Variants in LILRB2 observed in about 807,000 individuals in gnomAD.
LILRB2 encodes leukocyte immunoglobulin like receptor B2.
A neutral mutation model predicts 72.7 loss-of-function variants in LILRB2; 47 were observed. The ratio of observed to expected loss-of-function variants is 0.65; its 90% CI spans 0.51 to 0.82. The LOEUF (loss-of-function observed/expected upper bound fraction) is 0.82, where lower values mean the gene tolerates loss of function less well. Ranked by LOEUF, LILRB2 falls within the 40% of genes least tolerant of loss-of-function variation. The probability of loss-of-function intolerance (pLI) is 0.00; values close to 1 mark genes in which losing one functional copy is unlikely to be tolerated. For missense variants in LILRB2, 767 were observed against 764.8 expected, an observed-to-expected ratio of 1.00 and a Z score of -0.03; for synonymous variants, 279 against 313.7, an observed-to-expected ratio of 0.89 and a Z score of 1.17.
At chr19:54,276,347 CA>C in intron 11 of LILRB2, 33 bp downstream of exon 11, 1 of 1,612,522 alleles carries the variant, frequency 6.2e-7, no homozygotes, top group South Asian at 1.1e-5. Context: ...GGGCCACGAG[CA>C]GGTGGGAGTC....
rs768865193 is a variant in LILRB2 at position 54,276,831 on chromosome 19, G to A, written c.1456C>T (p.Arg486Cys). The A allele has an allele frequency of 4.3e-6, 7 of 1,613,904 alleles. No homozygotes were observed. Among genetic ancestry groups the A allele is most frequent in the Middle Eastern group, 1.7e-4 (1 of 6,056 alleles). ...CTCGATGTCCAGTGTTTGCCCTGAC[G>A]TCGATGTCGGAGGATGAGGAAGAGG... The part of the protein sequence containing the change: ...LLLFLILRHR[R>C]QGKHWTSTQR... The change falls in exon 10 of 14, where the codon CGT becomes TGT. Residue 486 changes from arginine to cysteine, a missense_variant. Physicochemically the swap from Arg to Cys is radical, Grantham distance 180. Around this residue, in one of 3 missense-constraint regions of LILRB2, gnomAD observed 162 missense variants for 176.7 expected, o/e 0.92. Transcript: ENST00000314446.
At position 54,277,897 on chromosome 19, in the gene LILRB2, G is replaced by C. The variant is rs1343612524; in HGVS notation, c.1301C>G (p.Ser434Cys). 3 of 1,547,966 alleles carry C rather than the reference G, an allele frequency of 1.9e-6. No homozygotes were observed. Among genetic ancestry groups the C allele is most frequent in the South Asian group, 1.2e-5 (1 of 83,770 alleles). ...GSSPPPTGPI[S>C]TPGPEDQPLT... ...AGGCCTCAGGGACTCACCAGGTGTGGAGATGGGACCGGTGGGTGGGGGGCT... is the reference window on the plus strand; with the variant it reads ...AGGCCTCAGGGACTCACCAGGTGTGCAGATGGGACCGGTGGGTGGGGGGCT... The change falls in exon 8 of 14, where the codon TCC becomes TGC. Residue 434 changes from serine to cysteine, a missense_variant. Coordinates refer to ENST00000314446, the MANE Select transcript of LILRB2 (RefSeq NM_001080978.4).
rs1311203079 is a variant in LILRB2 at position 54,274,660 on chromosome 19, G to T, written c.*23C>A. 2 of 1,614,032 alleles carry T rather than the reference G, an allele frequency of 1.2e-6. No individual in the cohort carries two copies. Among genetic ancestry groups the T allele is most frequent in the Non-Finnish European group, 8.5e-7 (1 of 1,179,986 alleles). On this transcript the variant is annotated 3_prime_UTR_variant, in exon 14 of 14. Coordinates refer to ENST00000314446, the MANE Select transcript of LILRB2 (RefSeq NM_001080978.4). ...AGTCCTGAGTCTCCTTCTACTGAGTGTGGAGTCTGCGTACCCTCCGGGCTA... is the reference window on the plus strand; with the variant it reads ...AGTCCTGAGTCTCCTTCTACTGAGTTTGGAGTCTGCGTACCCTCCGGGCTA...
In LILRB2 at chr19:54,280,490, G is replaced by C; in HGVS notation, c.7C>G (p.Pro3Ala). ...AGACAGATCAGGACTGTGACGATGG[G>C]GGTCATGGCGTCTCCTCCCACTGCC... is the stretch of plus-strand genomic sequence containing the variant. MTPIVTVLICLGL... is the reference protein window; with the variant it reads MTAIVTVLICLGL... Residue 3 changes from proline to alanine, a missense_variant, in exon 2 of 14, where the codon CCC becomes GCC. By Grantham distance (27) the Pro-to-Ala change is conservative (BLOSUM62 -1). Around this residue, in one of 3 missense-constraint regions of LILRB2, gnomAD observed 599 missense variants for 568.2 expected, o/e 1.05. Coordinates refer to ENST00000314446, the MANE Select transcript of LILRB2 (RefSeq NM_001080978.4). 1 of 1,613,796 alleles carries C rather than the reference G, an allele frequency of 6.2e-7. No individual in the cohort carries two copies. Among genetic ancestry groups the C allele is most frequent in the Non-Finnish European group, 8.5e-7 (1 of 1,179,926 alleles).
chr19:54,276,922 TC>T lies in LILRB2; in HGVS notation c.1364del (p.Gly455GlufsTer7). On this transcript the variant is annotated frameshift_variant, in exon 10 of 14. Transcript: ENST00000314446. LOFTEE classifies it high-confidence loss of function. Reference sequence around the variant, plus strand: ...TGCCGATCACAACCCCCAGGTGCCTTCCCAGACCTTGAGCACGATGATGTCA... The same window carrying T: ...TGCCGATCACAACCCCCAGGTGCCTTCCAGACCTTGAGCACGATGATGTCA... ...PTGSDPQSGL[G>X]RHLGVVIGIL... is the part of the protein sequence containing the mutation. The T allele has an allele frequency of 6.2e-7, 1 of 1,613,200 alleles. No homozygotes were observed. Among genetic ancestry groups the T allele is most frequent in the Non-Finnish European group, 8.5e-7 (1 of 1,179,740 alleles).
At position 54,278,469 on chromosome 19, in the gene LILRB2, T is replaced by C; in HGVS notation, c.1049A>G (p.Gln350Arg). The C allele has an allele frequency of 1.3e-6, 2 of 1,540,616 alleles. No individual in the cohort carries two copies. The highest frequency in any genetic ancestry group is 1.1e-5 in the South Asian group (1 of 89,142). The change falls in exon 7 of 14, where the codon CAG becomes CGG. Residue 350 changes from glutamine to arginine, a missense_variant. Physicochemically the swap from Gln to Arg is conservative, Grantham distance 43 (BLOSUM62 1). This residue lies in a region of LILRB2 where 599 missense variants were observed against 568.2 expected (regional missense o/e 1.05). Transcript: ENST00000314446. Reference protein sequence around the residue: ...NVTLLCQSWRQFHTFLLTKAG... With the variant: ...NVTLLCQSWRRFHTFLLTKAG... Reference sequence around the variant, plus strand: ...CTTGGTCAGAAGGAAAGTGTGGAACTGCCGCCATGACTGACACAGCAGGGT... The same window carrying C: ...CTTGGTCAGAAGGAAAGTGTGGAACCGCCGCCATGACTGACACAGCAGGGT...
At chr19:54,275,117 G>A in intron 13 of LILRB2, 2 of 1,563,602 alleles carry the variant, frequency 1.3e-6, no homozygotes, top group South Asian at 2.3e-5. Context: ...TGACCTCCTG[G>A]AGTCAATTTT....
Position 54,280,057 on chromosome 19 carries a change from G to T in LILRB2, c.89C>A (p.Thr30Asn). 6.2e-7 allele frequency: 1 copy of T among 1,614,042 alleles called. No homozygotes were observed. Among genetic ancestry groups the T allele is most frequent in the Non-Finnish European group, 8.5e-7 (1 of 1,179,938 alleles). Reference protein sequence around the residue: ...RVQTGTIPKPTLWAEPDSVIT... With the variant: ...RVQTGTIPKPNLWAEPDSVIT... ...CACAGAGTCTGGCTCAGCCCACAGG[G>T]TGGGCTTGGGGATGGTCCCTGGAAG... The change falls in exon 4 of 14, where the codon ACC becomes AAC. Residue 30 changes from threonine (T) to asparagine (N), a missense_variant. By Grantham distance (65) the Thr-to-Asn change is moderately conservative. Around this residue, in one of 3 missense-constraint regions of LILRB2, gnomAD observed 599 missense variants for 568.2 expected, o/e 1.05. Coordinates refer to ENST00000314446, the MANE Select transcript of LILRB2 (RefSeq NM_001080978.4).
At chr19:54,276,049 G>T in intron 12 of LILRB2, 46 bp from the exon 13 acceptor site, 1 of 1,606,962 alleles carries the variant, frequency 6.2e-7, no homozygotes, top group Non-Finnish European at 8.5e-7. Flanking sequence ...AGGTTCCCTG[G>T]GACCTCTGAG....
chr19:54,275,801 A>C (rs981829230), intron 13 of LILRB2, 150 bp downstream of exon 13: 81 of 1,035,934 alleles, frequency 7.8e-5, no homozygotes, highest in Non-Finnish European at 1.7e-5. Context: ...GGAGAGAGTG[A>C]GGTCACAGCA....
chr19:54,275,666 G>T (rs1270773690), intron 13 of LILRB2: 91 of 580,390 alleles, frequency 1.6e-4, no homozygotes, highest in South Asian at 1.4e-3. Flanking sequence ...CCAGGGGACC[G>T]GGGTGGTTCA....
Position 54,279,654 on chromosome 19 carries a change from G to C in LILRB2, c.356-7C>G. The C allele has an allele frequency of 6.2e-7, 1 of 1,603,822 alleles. No homozygotes were observed. The highest frequency in any genetic ancestry group is 8.5e-7 in the Non-Finnish European group (1 of 1,172,178). On this transcript the variant is annotated splice_region_variant and splice_polypyrimidine_tract_variant and intron_variant, in intron 4 of 13. Coordinates refer to ENST00000314446, the MANE Select transcript of LILRB2 (RefSeq NM_001080978.4). ...GTGGGTTTTGGGTAGGCTCCTAGGA[G>C]AGAAGGAGGCATCGTGTTAAATGGG...
chr19:54,276,500 C>A (rs745879943), intron 10 of LILRB2, 44 bp from the exon 11 acceptor site: 2 of 1,343,604 alleles, frequency 1.5e-6, no homozygotes, highest in Non-Finnish European at 2.0e-6. Context: ...AACATTGGAG[C>A]CCCCTGCCCT....
Position 54,279,854 on chromosome 19 carries a change from A to C in LILRB2, c.292T>G (p.Cys98Gly). Residue 98 changes from cysteine to glycine, a missense_variant, in exon 4 of 14, where the codon TGT becomes GGT. Cys to Gly is a radical substitution (Grantham distance 159). Coordinates refer to ENST00000314446, the MANE Select transcript of LILRB2 (RefSeq NM_001080978.4). ...CACCGAGCGCGGCTGTAATACTGAC[A>C]GCCATATCGCCCTGTGTGTTCCCAG... ...ITWEHTGRYG[C>G]QYYSRARWSE... is the part of the protein sequence containing the mutation. 3.7e-6 allele frequency: 6 copies of C among 1,614,116 alleles called. No individual in the cohort carries two copies. Among genetic ancestry groups the C allele is most frequent in the Non-Finnish European group, 5.1e-6 (6 of 1,179,994 alleles).
At chr19:54,278,136 G>A in intron 7 of LILRB2, 124 bp downstream of exon 7, 1 of 1,349,318 alleles carries the variant, frequency 7.4e-7, no homozygotes, top group Non-Finnish European at 1.0e-6. Context: ...CTCTGAGGGT[G>A]AGTCTCCCAC....
At chr19:54,275,005 G>C (rs1373829951) in intron 13 of LILRB2, 176 bp from the exon 14 acceptor site, 2 of 1,609,232 alleles carry the variant, frequency 1.2e-6, no homozygotes, top group Non-Finnish European at 1.7e-6. Flanking sequence ...TTCTCTCCTA[G>C]GTCTGGAGTG....
At position 54,275,760 on chromosome 19, in the gene LILRB2, G is replaced by A. The variant is rs972002620; in HGVS notation, c.1647+191C>T. 32 of 794,554 alleles carry A rather than the reference G, an allele frequency of 4.0e-5. 1 individual carries two copies. Among genetic ancestry groups the A allele is most frequent in the Admixed American group, 3.0e-4 (16 of 52,722 alleles). 49.2% of individuals were successfully genotyped at this position (794,554 alleles called of 1,614,324 possible). Reference sequence around the variant, plus strand: ...AGGATGAGGAGCAGGAAGGGGACCCGGGAGGAGGCCCACGAGGTCCCAGGA... The same window carrying A: ...AGGATGAGGAGCAGGAAGGGGACCCAGGAGGAGGCCCACGAGGTCCCAGGA... On this transcript the variant is annotated intron_variant, in intron 13 of 13. Coordinates refer to ENST00000314446, the MANE Select transcript of LILRB2 (RefSeq NM_001080978.4).
Position 54,274,419 on chromosome 19 carries a change from A to T in LILRB2, c.*264T>A, listed in dbSNP as rs1307958482. 7.2e-6 allele frequency: 4 copies of T among 556,942 alleles called. No homozygotes were observed. The African/African-American group carries it at 7.5e-5, about 10-fold the overall frequency. The allele number at this position is 556,942 out of a possible 1,614,324, so 34.5% of individuals were successfully genotyped here. A position where few individuals can be genotyped will look rare whatever the true frequency, so the allele number is the denominator to read the frequency against. ...AATATTTATATTGTGATTCAGTTTA[A>T]AGCACATTCTTACTTCTGATTTTAG... is the stretch of plus-strand genomic sequence containing the variant. On this transcript the variant is annotated 3_prime_UTR_variant, in exon 14 of 14. Coordinates refer to ENST00000314446, the MANE Select transcript of LILRB2 (RefSeq NM_001080978.4).
chr19:54,278,106 G>A, intron 7 of LILRB2, 154 bp downstream of exon 7: 1 of 1,184,676 alleles, frequency 8.4e-7, no homozygotes, highest in Admixed American at 2.7e-5. Context: ...AGGCCTGGGA[G>A]GGCCTGTTGT....
Sources: gnomAD v4.1 joint callset for allele counts on GRCh38, gnomAD v4.1.1 for gene constraint, gnomAD v4.1.1 regional missense constraint, MANE v1.5 for transcripts, NCBI Gene and HGNC (gene_info 2026-07-23, HGNC 2026-07-21) for gene names.